MINDY4: variants seen among roughly 807,000 people sequenced by gnomAD.
MINDY4 encodes the protein probable ubiquitin carboxyl-terminal hydrolase MINDY-4.
MINDY4 carries 68 observed loss-of-function variants against 87.0 expected under a neutral mutation model. That is an observed-to-expected ratio of 0.78 (90% CI 0.64 to 0.96). The LOEUF is 0.96. Ranked by LOEUF, MINDY4 falls within the 40% of genes least tolerant of loss-of-function variation. The pLI is 0.00. For missense variants in MINDY4, 919 were observed against 928.2 expected, an observed-to-expected ratio of 0.99 and a Z score of 0.13; for synonymous variants, 379 against 363.2, an observed-to-expected ratio of 1.04 and a Z score of -0.50.
At chr7:30,891,930 T>C (rs1190141205) in intron 17 of MINDY4, 27 bp from the exon 18 acceptor site, 2 of 1,613,590 alleles carry the variant, frequency 1.2e-6, no homozygotes, top group Non-Finnish European at 1.7e-6. Context: ...TGATCTCTCT[T>C]TGTCTCTCTC....
At chr7:30,877,367 G>A (rs940179971) in intron 15 of MINDY4, among the ~76,000 whole-genome samples, 1 of 152,160 alleles carries the variant, frequency 6.6e-6, no homozygotes, top group African/African-American at 2.4e-5. Context: ...ACCAGTTGGG[G>A]TCATCCTTCC....
chr7:30,835,406 C>T (rs112417550), intron 6 of MINDY4, among the ~76,000 whole-genome samples: 1,818 of 152,308 alleles, frequency 0.012, 17 homozygotes, highest in Middle Eastern at 0.017. Context: ...CTGGGTCCCT[C>T]GCACAGCACA....
chr7:30,780,561 A>C (rs1462141370), intron 2 of MINDY4: 1 of 152,216 alleles, frequency 6.6e-6, no homozygotes, highest in Non-Finnish European at 1.5e-5. Flanking sequence ...AAAATTACTC[A>C]TTAATATCTA....
intron 14 of MINDY4, among the ~76,000 whole-genome samples, 176 bp downstream of exon 14, chr7:30,872,482 G>C (rs900165189): frequency 6.6e-6 from 1 of 152,142 alleles, no homozygotes; most frequent in Non-Finnish European, 1.5e-5. Context: ...TCATGTCATG[G>C]AGACCCAGAA....
chr7:30,879,141 A>G (rs927362399), intron 15 of MINDY4, among the ~76,000 whole-genome samples: 1 of 152,110 alleles, frequency 6.6e-6, no homozygotes, highest in African/African-American at 2.4e-5. Context: ...TGAAACGCTG[A>G]CCCCCAGTAC....
intron 5 of MINDY4, among the ~76,000 whole-genome samples, chr7:30,799,809 A>G (rs950769228): frequency 2.6e-5 from 4 of 152,156 alleles, no homozygotes; most frequent in African/African-American, 7.2e-5. Flanking sequence ...TGTTGGGGGC[A>G]TGCTCTCAGG....
At chr7:30,825,065 T>C (rs2128561796) in intron 5 of MINDY4, among the ~76,000 whole-genome samples, 1 of 152,248 alleles carries the variant, frequency 6.6e-6, no homozygotes, top group Middle Eastern at 3.4e-3. Context: ...CCCCCATGAA[T>C]TTATTAGTTG....
chr7:30,891,406 T>TA (rs1188759127), intron 17 of MINDY4, among the ~76,000 whole-genome samples: 1 of 136,474 alleles, frequency 7.3e-6, no homozygotes, highest in Non-Finnish European at 1.5e-5. Context: ...TTCTTCAGGT[T>TA]AAAAAACAAA....
intron 5 of MINDY4, 21 bp from the exon 6 acceptor site, chr7:30,828,658 T>C (rs1445040055): frequency 2.5e-6 from 4 of 1,613,112 alleles, no homozygotes; most frequent in Non-Finnish European, 2.5e-6. Flanking sequence ...CTCTGGTACA[T>C]TGATATTTTC....
chr7:30,780,550 G>A (rs1468886288), intron 2 of MINDY4: 1 of 152,098 alleles, frequency 6.6e-6, no homozygotes, highest in Non-Finnish European at 1.5e-5. Flanking sequence ...TATTTTACAG[G>A]AAAATTACTC....
chr7:30,783,978 A>T (rs938671712), intron 3 of MINDY4, among the ~76,000 whole-genome samples: 1 of 152,200 alleles, frequency 6.6e-6, no homozygotes, highest in Non-Finnish European at 1.5e-5. Flanking sequence ...AAGACACTGC[A>T]GTCCCCAGTA....
At chr7:30,846,924 G>A (rs182913110) in intron 9 of MINDY4, among the ~76,000 whole-genome samples, 2 of 152,276 alleles carry the variant, frequency 1.3e-5, no homozygotes. Flanking sequence ...CAGGCAGAAC[G>A]CAGCTTCACT....
chr7:30,797,530 G>A (rs1787525490), intron 5 of MINDY4, among the ~76,000 whole-genome samples: 3 of 152,168 alleles, frequency 2.0e-5, no homozygotes, highest in African/African-American at 7.2e-5. Flanking sequence ...GCCCTGCAGT[G>A]GGAGCATGTT....
At chr7:30,843,590 G>T (rs1789107682) in intron 9 of MINDY4, among the ~76,000 whole-genome samples, 1 of 137,884 alleles carries the variant, frequency 7.3e-6, no homozygotes, top group African/African-American at 2.9e-5. Context: ...CTTGGTTTTT[G>T]TTACCCCACC....
At chr7:30,833,878 C>T (rs1030003289) in intron 6 of MINDY4, among the ~76,000 whole-genome samples, 11 of 152,264 alleles carry the variant, frequency 7.2e-5, no homozygotes, top group Non-Finnish European at 1.5e-4. Context: ...CCAAAGTGAT[C>T]TCCTTTGACT....
intron 17 of MINDY4, among the ~76,000 whole-genome samples, chr7:30,885,418 A>G (rs866271110): frequency 2.6e-5 from 4 of 152,208 alleles, no homozygotes; most frequent in Admixed American, 6.5e-5. Flanking sequence ...AGGCTGAGGC[A>G]GGAGAATCGC....
intron 17 of MINDY4, among the ~76,000 whole-genome samples, chr7:30,885,381 A>G (rs1391898387): frequency 1.3e-5 from 2 of 152,152 alleles, no homozygotes; most frequent in East Asian, 3.9e-4. Context: ...GCATGGTGGC[A>G]CACGCCTATA....
chr7:30,773,012 T>C (rs1786693314), intron 1 of MINDY4, among the ~76,000 whole-genome samples: 1 of 152,086 alleles, frequency 6.6e-6, no homozygotes, highest in Non-Finnish European at 1.5e-5. Context: ...ATGGCCGAGT[T>C]CCCCTGGTCT....
intron 6 of MINDY4, among the ~76,000 whole-genome samples, chr7:30,836,327 G>A (rs903158582): frequency 6.6e-6 from 1 of 152,128 alleles, no homozygotes; most frequent in South Asian, 2.1e-4. Flanking sequence ...GTCCTGGTTC[G>A]ATGGCTTAGG....
Sources: gnomAD v4.1 joint callset for allele counts (sites outside exome capture counted in the v4.1 genomes callset) on GRCh38, gnomAD v4.1.1 for gene constraint, MANE v1.5 for transcripts, NCBI Gene and HGNC (gene_info 2026-07-23, HGNC 2026-07-21) for gene names.